CHAF1A: variants seen among roughly 807,000 people sequenced by gnomAD.
CHAF1A encodes chromatin assembly factor 1 subunit A, also known as CAF-1 subunit A.
A neutral mutation model predicts 93.2 loss-of-function variants in CHAF1A; 5 were observed. That is an observed-to-expected ratio of 0.05 (90% CI 0.03 to 0.11). The LOEUF is 0.11. Among genes scored for constraint, CHAF1A ranks in the 10% least tolerant of loss-of-function variants. The pLI is 1.00. For missense variants in CHAF1A, 1,102 were observed against 1,259.9 expected (o/e 0.87, Z 1.90); for synonymous variants, 504 against 510.3 (o/e 0.99, Z 0.17).
At chr19:4,450,786 A>AAAAAAAT in the CHAF1A span, 1 of 139,780 alleles carries the variant, frequency 7.2e-6, no homozygotes, top group Non-Finnish European at 1.5e-5. Flanking sequence ...AAAAAAAAAA[A>AAAAAAAT]GAGTGCCTAC....
At chr19:4,406,419 G>A (rs1216159066) in intron 2 of CHAF1A, among the ~76,000 whole-genome samples, 1 of 151,294 alleles carries the variant, frequency 6.6e-6, no homozygotes, top group East Asian at 2.0e-4. Context: ...GGCCAGATGA[G>A]CGGTTGGATT....
rs562145641 is a variant in CHAF1A at position 4,436,054 on chromosome 19, G to A, written c.2673+2515G>A. On this transcript the variant is annotated intron_variant, in intron 13 of 14. Coordinates refer to ENST00000301280, the MANE Select transcript of CHAF1A (RefSeq NM_005483.3). ...CTCGGGAGGTTGAGGCAGGAGAATC[G>A]CTTGAACCCAGGAGGTGGAGGTTGC... Among the ~76,000 whole-genome samples the A allele has an allele frequency of 3.3e-5, 5 of 152,030 alleles. No individual in the cohort carries two copies. In the South Asian group the frequency reaches 8.3e-4, roughly 25 times the overall value.
At chr19:4,439,939 G>A (rs1161645621) in intron 13 of CHAF1A, among the ~76,000 whole-genome samples, 3 of 152,150 alleles carry the variant, frequency 2.0e-5, no homozygotes, top group Non-Finnish European at 2.9e-5. Context: ...CATGCTGCCT[G>A]GGGAGAGGGA....
At chr19:4,417,790 C>T (rs1291259215) in intron 3 of CHAF1A, among the ~76,000 whole-genome samples, 1 of 152,062 alleles carries the variant, frequency 6.6e-6, no homozygotes, top group Non-Finnish European at 1.5e-5. Context: ...CTGAGCTTGC[C>T]TTGTTTTTCT....
Position 4,409,618 on chromosome 19 carries a change from A to C in CHAF1A, c.819A>C (p.Glu273Asp). ...TGACCCCTGAGAGTGAGGTGCTGGA[A>C]TCTTTCCCCGAAGAAGACTCTGTAC... ...KNMTPESEVL[E>D]SFPEEDSVLS... The change falls in exon 3 of 15, where the codon GAA becomes GAC. Residue 273 changes from glutamate to aspartate, a missense_variant. This residue lies in a region of CHAF1A where 379 missense variants were observed against 365.7 expected (regional missense o/e 1.04). Coordinates refer to ENST00000301280, the MANE Select transcript of CHAF1A (RefSeq NM_005483.3). 2 of 1,614,092 alleles carry C rather than the reference A, an allele frequency of 1.2e-6. No homozygotes were observed. Among genetic ancestry groups the C allele is most frequent in the Non-Finnish European group, 1.7e-6 (2 of 1,179,996 alleles).
chr19:4,421,677 G>C (rs1973992549), intron 4 of CHAF1A, among the ~76,000 whole-genome samples: 1 of 152,144 alleles, frequency 6.6e-6, no homozygotes, highest in Admixed American at 6.5e-5. Flanking sequence ...TCAGGAGCCT[G>C]AGGTGGGAGG....
chr19:4,421,952 C>T (rs1973997479), intron 4 of CHAF1A, among the ~76,000 whole-genome samples: 1 of 151,868 alleles, frequency 6.6e-6, no homozygotes, highest in Non-Finnish European at 1.5e-5. Flanking sequence ...AGTGATTCTC[C>T]TGCCCCAGCC....
chr19:4,448,660 C>G (rs1488995100), downstream of CHAF1A: 2 of 548,716 alleles, frequency 3.6e-6, no homozygotes, highest in South Asian at 2.1e-5. Context: ...CTTCTCAAGG[C>G]TAGATCCATG....
chr19:4,444,503 C>G (rs1236498965), downstream of CHAF1A: 1 of 152,598 alleles, frequency 6.6e-6, no homozygotes, highest in South Asian at 2.1e-4. Flanking sequence ...CTCGGAGGCG[C>G]TGCATCCCTC....
At chr19:4,423,721 C>T (rs1029460597) in intron 6 of CHAF1A, 85 bp from the exon 7 acceptor site, 2 of 1,329,148 alleles carry the variant, frequency 1.5e-6, no homozygotes, top group Non-Finnish European at 2.2e-6. Context: ...GCTTGACGTT[C>T]GGTTCTGGGG....
rs556761708 is a variant in CHAF1A at position 4,429,802 on chromosome 19, C to T, written c.1854+14C>T. 2.5e-6 allele frequency: 4 copies of T among 1,605,300 alleles called. No individual in the cohort carries two copies. The Admixed American group carries it at 6.8e-5, about 27-fold the overall frequency. On this transcript the variant is annotated intron_variant, in intron 10 of 14. Coordinates refer to ENST00000301280, the MANE Select transcript of CHAF1A (RefSeq NM_005483.3). ...CACAGTGAGGGGGTAAGGATGTGCC[C>T]CAGCTGTCTTCACTCACAGACGGCT... is the stretch of plus-strand genomic sequence containing the variant.
chr19:4,430,678 A>G, intron 11 of CHAF1A, 37 bp downstream of exon 11: 1 of 1,611,282 alleles, frequency 6.2e-7, no homozygotes. Context: ...GGCTCAGCAA[A>G]AGTTCATTTC....
intron 8 of CHAF1A, 198 bp downstream of exon 8, chr19:4,429,088 G>C: frequency 1.7e-6 from 1 of 599,154 alleles, no homozygotes; most frequent in South Asian, 2.1e-5. Flanking sequence ...TCCTCTCCCT[G>C]TCTTCCCAGC....
the CHAF1A span, chr19:4,450,433 A>G: frequency 6.6e-6 from 1 of 152,084 alleles, no homozygotes; most frequent in Non-Finnish European, 1.5e-5. Flanking sequence ...TGTGCAACTC[A>G]TATCATAGGC....
At chr19:4,413,317 G>A (rs1965763) in intron 3 of CHAF1A, among the ~76,000 whole-genome samples, 75 of 152,120 alleles carry the variant, frequency 4.9e-4, no homozygotes, top group African/African-American at 1.5e-3. Context: ...TGATCCGCCC[G>A]CCTCGGCCTC....
chr19:4,414,486 C>T (rs899739523), intron 3 of CHAF1A, among the ~76,000 whole-genome samples: 13 of 152,010 alleles, frequency 8.6e-5, no homozygotes, highest in African/African-American at 2.9e-4. Context: ...ATCATCATCA[C>T]CTTGTGTTTT....
intron 11 of CHAF1A, 87 bp downstream of exon 11, chr19:4,430,728 G>A: frequency 2.8e-6 from 4 of 1,405,912 alleles, no homozygotes; most frequent in South Asian, 2.3e-5. Context: ...AGGGTGACGG[G>A]GGTCCCAGCC....
chr19:4,450,271 A>C, the CHAF1A span: 2 of 151,844 alleles, frequency 1.3e-5, no homozygotes, highest in Non-Finnish European at 2.9e-5. Context: ...GAATTCTCTC[A>C]GCATGGAAAT....
intron 3 of CHAF1A, among the ~76,000 whole-genome samples, chr19:4,412,264 T>C (rs1044621733): frequency 7.9e-5 from 12 of 152,118 alleles, no homozygotes; most frequent in African/African-American, 2.2e-4. Context: ...GACACATGGC[T>C]GGGCGCGGTG....
Sources: allele counts gnomAD v4.1 joint callset (sites outside exome capture counted in the v4.1 genomes callset), GRCh38; gene constraint gnomAD v4.1.1; regional missense constraint gnomAD v4.1.1; transcripts MANE v1.5; gene names NCBI Gene and HGNC (gene_info 2026-07-23, HGNC 2026-07-21).